Variants in LRBA observed in about 807,000 individuals in gnomAD.
LRBA encodes lipopolysaccharide-responsive and beige-like anchor protein.
Under a neutral mutation model 330.0 loss-of-function variants are expected in LRBA, and 176 were observed. That is an observed-to-expected ratio of 0.53 (90% CI 0.47 to 0.60). The LOEUF is 0.60. LRBA is among the 20% of genes least tolerant of loss of function. LRBA has a pLI of 0.00. For missense variants in LRBA, 3,259 were observed against 3,444.8 expected, an observed-to-expected ratio of 0.95 and a Z score of 1.35; for synonymous variants, 1,230 against 1,193.0, an observed-to-expected ratio of 1.03 and a Z score of -0.64.
intron 48 of LRBA, among the ~76,000 whole-genome samples, chr4:150,327,576 A>ATGGCTCAGAGTGCTAATCCTGACTG (rs1278706432): frequency 6.6e-6 from 1 of 152,170 alleles, no homozygotes; most frequent in East Asian, 1.9e-4. Context: ...ATCATGTCAG[A>ATGGCTCAGAGTGCTAATCCTGACTG]TGGCTCAGAG....
rs1035045406 is a variant in LRBA at position 150,562,087 on chromosome 4, T to A, written c.6330+25961A>T. Among the ~76,000 whole-genome samples, 7 of 120,766 alleles carry A rather than the reference T, an allele frequency of 5.8e-5. No homozygotes were observed. In the Admixed American group the frequency reaches 6.2e-4, roughly 11 times the overall value. 79.2% of individuals were successfully genotyped at this position (120,766 alleles called of 152,430 possible). A position where few individuals can be genotyped will look rare whatever the true frequency, so the allele number is the denominator to read the frequency against. ...CCACTATTCTCTTTCCCCCTTAGCC[T>A]CTCCTTCAATTATTTTATATTTGCT... is the stretch of plus-strand genomic sequence containing the variant. On this transcript the variant is annotated intron_variant, in intron 40 of 56. Transcript: ENST00000651943.
intron 2 of LRBA, among the ~76,000 whole-genome samples, chr4:151,011,880 C>T (rs184403554): frequency 2.0e-4 from 30 of 151,868 alleles, no homozygotes; most frequent in African/African-American, 7.0e-4. Flanking sequence ...GACAGGGTCT[C>T]ACTATAGTGC....
intron 2 of LRBA, among the ~76,000 whole-genome samples, chr4:151,000,431 GTC>G (rs1401241419): frequency 6.6e-6 from 1 of 152,084 alleles, no homozygotes; most frequent in East Asian, 1.9e-4. Context: ...GCTTTACAAT[GTC>G]TCTGTGTCAC....
intron 34 of LRBA, among the ~76,000 whole-genome samples, chr4:150,792,379 T>C (rs1342529800): frequency 6.6e-6 from 1 of 152,144 alleles, no homozygotes; most frequent in Non-Finnish European, 1.5e-5. Context: ...GGGGATTGAT[T>C]GAAAAGAGGC....
intron 34 of LRBA, among the ~76,000 whole-genome samples, chr4:150,793,563 T>A (rs1043035025): frequency 6.6e-6 from 1 of 152,166 alleles, no homozygotes; most frequent in Admixed American, 6.5e-5. Flanking sequence ...CATAAACATT[T>A]ATATGGTTGA....
intron 46 of LRBA, 112 bp from the exon 47 acceptor site, chr4:150,415,702 G>T: frequency 4.6e-6 from 3 of 654,326 alleles, no homozygotes; most frequent in Non-Finnish European, 7.5e-6. Context: ...ATAAACACAG[G>T]GAATTTTTTT....
At chr4:150,961,402 T>C (rs902055807) in intron 2 of LRBA, among the ~76,000 whole-genome samples, 2 of 149,234 alleles carry the variant, frequency 1.3e-5, no homozygotes, top group Non-Finnish European at 2.9e-5. Flanking sequence ...CAAGGCATCA[T>C]GATATCCTGA....
intron 38 of LRBA, among the ~76,000 whole-genome samples, chr4:150,591,582 A>G (rs762262883): frequency 6.6e-6 from 1 of 152,286 alleles, no homozygotes; most frequent in South Asian, 2.1e-4. Flanking sequence ...CCTCCTCTGC[A>G]TGTTTAAACT....
At chr4:150,380,982 CAAAAAAAAAAAAAAAAA>C (rs58528401) in intron 47 of LRBA, among the ~76,000 whole-genome samples, 1 of 61,000 alleles carries the variant, frequency 1.6e-5, no homozygotes, top group South Asian at 6.5e-4. Context: ...AACTCCATCT[CAAAAAAAAAAAAAAAAA>C]AAAAAAAAAG....
rs754066513 is a variant in LRBA, at chr4:150,349,995, T to C, written c.7359A>G (p.Arg2453=). 2 of 1,613,552 alleles carry C rather than the reference T, an allele frequency of 1.2e-6. No individual in the cohort carries two copies. Among genetic ancestry groups the C allele is most frequent in the Non-Finnish European group, 1.7e-6 (2 of 1,179,696 alleles). ...NLNSITDPVL[R]EAVEAQIRSF... ...TTTCTCAATTCAGATAACTTACCTC[T>C]CTCAACACAGGATCAGTTATTGAAT... Residue 2453 remains arginine (R), a synonymous_variant, in exon 48 of 57, where the codon AGA becomes AGG. Transcript: ENST00000651943.
chr4:150,723,538 G>A (rs2127090579), intron 36 of LRBA, among the ~76,000 whole-genome samples: 1 of 152,256 alleles, frequency 6.6e-6, no homozygotes, highest in East Asian at 1.9e-4. Flanking sequence ...GAACTCTTGG[G>A]CCCTGAATAA....
intron 28 of LRBA, among the ~76,000 whole-genome samples, chr4:150,843,895 T>C (rs1228869012): frequency 1.3e-5 from 2 of 152,330 alleles, no homozygotes; most frequent in East Asian, 1.9e-4. Flanking sequence ...TTAATATCAC[T>C]ATGCTGATCT....
intron 37 of LRBA, among the ~76,000 whole-genome samples, chr4:150,666,154 C>T (rs1258606124): frequency 1.3e-5 from 2 of 152,102 alleles, no homozygotes; most frequent in Non-Finnish European, 2.9e-5. Context: ...AGTCAACACT[C>T]GGTATCCTCA....
intron 2 of LRBA, among the ~76,000 whole-genome samples, chr4:151,007,427 C>A (rs1744205043): frequency 6.6e-6 from 1 of 151,410 alleles, no homozygotes; most frequent in African/African-American, 2.4e-5. Context: ...ATAGTGTGAA[C>A]CCGGGAGGCG....
chr4:150,591,124 T>C (rs1364480539), intron 38 of LRBA, among the ~76,000 whole-genome samples: 3 of 152,274 alleles, frequency 2.0e-5, no homozygotes, highest in Admixed American at 1.3e-4. Flanking sequence ...TTTATTTACT[T>C]ATAGTTAGGG....
intron 37 of LRBA, among the ~76,000 whole-genome samples, chr4:150,646,866 T>A (rs1296659707): frequency 6.6e-5 from 10 of 152,052 alleles, no homozygotes; most frequent in Non-Finnish European, 2.9e-5. Flanking sequence ...GGATTAGGAA[T>A]GTTTGAGCGG....
intron 40 of LRBA, among the ~76,000 whole-genome samples, chr4:150,541,802 C>A (rs867751371): frequency 1.2e-4 from 18 of 152,206 alleles, no homozygotes; most frequent in Middle Eastern, 3.4e-3. Context: ...AAGTGATCAT[C>A]CTGCCTCAGG....
intron 40 of LRBA, among the ~76,000 whole-genome samples, chr4:150,495,063 A>G (rs1041264684): frequency 8.5e-5 from 13 of 152,268 alleles, no homozygotes; most frequent in African/African-American, 2.6e-4. Context: ...TTATAAAATC[A>G]TAACACTTTG....
chr4:150,503,838 CTT>C (rs1760653896), intron 40 of LRBA, among the ~76,000 whole-genome samples: 1 of 151,996 alleles, frequency 6.6e-6, no homozygotes, highest in African/African-American at 2.4e-5. Flanking sequence ...AAGTTAAAAA[CTT>C]TGAAAAAAAA....
Sources: gnomAD v4.1 joint callset for allele counts (sites outside exome capture counted in the v4.1 genomes callset) on GRCh38, gnomAD v4.1.1 for gene constraint, MANE v1.5 for transcripts, NCBI Gene and HGNC (gene_info 2026-07-23, HGNC 2026-07-21) for gene names.